ARMH3: variants seen among roughly 807,000 people sequenced by gnomAD.
ARMH3 encodes the protein armadillo like helical domain containing 3, also known as armadillo-like helical domain-containing protein 3.
A neutral mutation model predicts 99.1 loss-of-function variants in ARMH3; 60 were observed. The ratio of observed to expected loss-of-function variants is 0.61; its 90% CI spans 0.49 to 0.75. The LOEUF is 0.75. ARMH3 is among the 30% of genes least tolerant of loss of function. ARMH3 has a pLI of 0.00. For synonymous variants in ARMH3, 285 were observed against 292.8 expected (o/e 0.97, Z 0.27); for missense variants, 679 against 843.1 (o/e 0.81, Z 2.41).
At chr10:101,970,892 C>A (rs1283971001) in intron 20 of ARMH3, among the ~76,000 whole-genome samples, 2 of 151,800 alleles carry the variant, frequency 1.3e-5, no homozygotes, top group African/African-American at 2.4e-5. Context: ...CCTCCAGGAA[C>A]TTTTTTGAGA....
intron 19 of ARMH3, among the ~76,000 whole-genome samples, chr10:101,986,335 C>T (rs1398782091): frequency 6.6e-6 from 1 of 152,140 alleles, no homozygotes; most frequent in East Asian, 1.9e-4. Context: ...CCCCTCACTC[C>T]CCAATCCTGT....
chr10:101,933,651 C>T (rs915433047), intron 23 of ARMH3, among the ~76,000 whole-genome samples: 7 of 152,042 alleles, frequency 4.6e-5, no homozygotes, highest in African/African-American at 1.7e-4. Context: ...TTTTAATCTG[C>T]ATAATGCTTT....
chr10:102,029,784 G>A (rs1426336721), intron 4 of ARMH3, 39 bp from the exon 5 acceptor site: 2 of 1,587,500 alleles, frequency 1.3e-6, no homozygotes, highest in Non-Finnish European at 1.7e-6. Context: ...TGGAGAGGAA[G>A]TCTCAGGGTC....
chr10:101,926,667 T>C (rs1045260490), intron 23 of ARMH3, among the ~76,000 whole-genome samples: 1 of 152,234 alleles, frequency 6.6e-6, no homozygotes, highest in African/African-American at 2.4e-5. Flanking sequence ...TTATACACTT[T>C]GTGGCTAGAC....
At position 102,001,830 on chromosome 10, in the gene ARMH3, T is replaced by C. The variant is rs1270164023; in HGVS notation, c.1150+141A>G. On this transcript the variant is annotated intron_variant, in intron 15 of 25. Transcript: ENST00000370033. ...ATCTAGCAATTAGGTGAGACATCACTATTTTCCAGCAATGAAGACCATGTA... is the reference window on the plus strand; with the variant it reads ...ATCTAGCAATTAGGTGAGACATCACCATTTTCCAGCAATGAAGACCATGTA... The C allele has an allele frequency of 1.1e-5, 8 of 721,160 alleles. No individual in the cohort carries two copies. The African/African-American group carries it at 1.4e-4, about 13-fold the overall frequency. 44.7% of individuals were successfully genotyped at this position (721,160 alleles called of 1,614,324 possible).
At chr10:101,914,695 G>A (rs552876970) in intron 23 of ARMH3, among the ~76,000 whole-genome samples, 42 of 150,168 alleles carry the variant, frequency 2.8e-4, no homozygotes, top group Non-Finnish European at 4.6e-4. Context: ...GTGAAACCCC[G>A]TCTCTACTAA....
intron 24 of ARMH3, among the ~76,000 whole-genome samples, chr10:101,853,756 C>T (rs912333399): frequency 6.6e-6 from 1 of 152,202 alleles, no homozygotes; most frequent in Non-Finnish European, 1.5e-5. Context: ...CCAAGGAATC[C>T]TCACACCACC....
intron 19 of ARMH3, among the ~76,000 whole-genome samples, chr10:101,981,661 T>C (rs1846238084): frequency 6.6e-6 from 1 of 152,090 alleles, no homozygotes; most frequent in African/African-American, 2.4e-5. Flanking sequence ...ACTCCCTAAG[T>C]GGTCTTGCAG....
At chr10:101,958,283 TCAAA>T (rs1207735331) in intron 20 of ARMH3, among the ~76,000 whole-genome samples, 3 of 152,196 alleles carry the variant, frequency 2.0e-5, no homozygotes, top group African/African-American at 7.2e-5. Flanking sequence ...CTCTAACTAT[TCAAA>T]CAAAGTGAAG....
intron 23 of ARMH3, among the ~76,000 whole-genome samples, chr10:101,907,753 AC>A (rs1842699881): frequency 6.6e-6 from 1 of 152,336 alleles, no homozygotes; most frequent in East Asian, 1.9e-4. Context: ...CTATTATACT[AC>A]CAGAGTCAGG....
chr10:101,965,936 AG>A (rs1411762357), intron 20 of ARMH3, among the ~76,000 whole-genome samples: 2 of 152,178 alleles, frequency 1.3e-5, no homozygotes, highest in Non-Finnish European at 2.9e-5. Context: ...GTATGACAAC[AG>A]TGTGTAGAGT....
At chr10:101,950,772 A>G (rs1409617772) in intron 22 of ARMH3, among the ~76,000 whole-genome samples, 3 of 152,324 alleles carry the variant, frequency 2.0e-5, no homozygotes, top group South Asian at 4.1e-4. Flanking sequence ...CAGAGAATAG[A>G]TTAGTGATTG....
intron 24 of ARMH3, among the ~76,000 whole-genome samples, chr10:101,850,100 T>C (rs1255482913): frequency 1.4e-5 from 2 of 144,252 alleles, no homozygotes; most frequent in African/African-American, 5.2e-5. Context: ...CTTTTTTTTT[T>C]TTTTTTTTTT....
At chr10:102,011,294 G>A (rs1362637138) in intron 11 of ARMH3, among the ~76,000 whole-genome samples, 2 of 152,068 alleles carry the variant, frequency 1.3e-5, no homozygotes, top group African/African-American at 4.8e-5. Context: ...GACAGCAAAG[G>A]AGCATTCAGG....
chr10:101,896,137 G>A (rs773785671), intron 23 of ARMH3, among the ~76,000 whole-genome samples: 11 of 152,142 alleles, frequency 7.2e-5, no homozygotes, highest in Non-Finnish European at 1.5e-4. Flanking sequence ...AGGCCAAGGT[G>A]GGCAGATCAC....
intron 24 of ARMH3, among the ~76,000 whole-genome samples, chr10:101,853,728 C>T (rs2066664775): frequency 6.6e-6 from 1 of 152,198 alleles, no homozygotes; most frequent in Non-Finnish European, 1.5e-5. Flanking sequence ...AGTAAGTCAC[C>T]TACAGGTCAC....
intron 20 of ARMH3, among the ~76,000 whole-genome samples, chr10:101,966,439 G>C (rs1192647364): frequency 2.0e-5 from 3 of 151,706 alleles, no homozygotes; most frequent in Non-Finnish European, 4.4e-5. Flanking sequence ...ACCACGCCTG[G>C]CTAATTTTTG....
intron 22 of ARMH3, among the ~76,000 whole-genome samples, chr10:101,940,958 T>A (rs921213734): frequency 3.9e-5 from 6 of 152,234 alleles, no homozygotes; most frequent in Non-Finnish European, 7.3e-5. Context: ...TATGTTTTAA[T>A]GAATGGCTAA....
At chr10:101,876,266 A>AC (rs1388946655) in intron 24 of ARMH3, among the ~76,000 whole-genome samples, 64 of 151,600 alleles carry the variant, frequency 4.2e-4, no homozygotes, top group Non-Finnish European at 5.7e-4. Flanking sequence ...AAAAAAAAAA[A>AC]AACAACTTAT....
Sources: gnomAD v4.1 joint callset for allele counts (sites outside exome capture counted in the v4.1 genomes callset) on GRCh38, gnomAD v4.1.1 for gene constraint, MANE v1.5 for transcripts, NCBI Gene and HGNC (gene_info 2026-07-23, HGNC 2026-07-21) for gene names.